CADM2: variants seen among roughly 807,000 people sequenced by gnomAD.
The protein encoded by CADM2 is immunoglobulin superfamily member 4D.
A neutral mutation model predicts 49.8 loss-of-function variants in CADM2; 12 were observed. The observed-to-expected ratio is 0.24, with a 90% CI of 0.15 to 0.39. The LOEUF is 0.39. CADM2 is among the 10% of genes least tolerant of loss of function. The pLI is 1.00. For synonymous variants in CADM2, 214 were observed against 175.4 expected (o/e 1.22, Z -1.74); for missense variants, 378 against 492.3 (o/e 0.77, Z 2.20).
At chr3:85,514,382 A>G (rs1364174565) in intron 1 of CADM2, among the ~76,000 whole-genome samples, 4 of 152,080 alleles carry the variant, frequency 2.6e-5, no homozygotes, top group African/African-American at 9.7e-5. Flanking sequence ...GAGTACTCAC[A>G]GGGATTTAGG....
chr3:85,899,871 C>T (rs759148538), intron 5 of CADM2, among the ~76,000 whole-genome samples: 1 of 152,150 alleles, frequency 6.6e-6, no homozygotes, highest in Non-Finnish European at 1.5e-5. Flanking sequence ...TTTCCTTACA[C>T]AGATGCACTG....
At chr3:85,012,726 A>T (rs892818890) in intron 1 of CADM2, among the ~76,000 whole-genome samples, 1 of 151,126 alleles carries the variant, frequency 6.6e-6, no homozygotes. Flanking sequence ...AAATAACAAT[A>T]TTATATATAA....
chr3:85,204,648 CA>C (rs2041588656), intron 1 of CADM2, among the ~76,000 whole-genome samples: 1 of 152,108 alleles, frequency 6.6e-6, no homozygotes, highest in Non-Finnish European at 1.5e-5. Flanking sequence ...AGTGCTAAAA[CA>C]AATTCATGGT....
At position 86,066,858 on chromosome 3, in the gene CADM2, A is replaced by G. The variant is rs1739396870; in HGVS notation, c.*75A>G. On this transcript the variant is annotated 3_prime_UTR_variant, in exon 10 of 10. Coordinates refer to ENST00000383699, the MANE Select transcript of CADM2 (RefSeq NM_001167675.2). ...AACTGGCTATCATCTTTCAGAAGTC[A>G]TTTCTACCATCGTCTGCTACCCTTA... 2.0e-6 allele frequency: 2 copies of G among 985,862 alleles called. No homozygotes were observed. The highest frequency in any genetic ancestry group is 1.3e-5 in the South Asian group (1 of 76,442). 61.1% of individuals were successfully genotyped at this position (985,862 alleles called of 1,614,324 possible). A position where few individuals can be genotyped will look rare whatever the true frequency, so the allele number is the denominator to read the frequency against.
At chr3:85,741,592 C>T (rs565502044) in intron 2 of CADM2, among the ~76,000 whole-genome samples, 42 of 152,210 alleles carry the variant, frequency 2.8e-4, no homozygotes, top group African/African-American at 7.5e-4. Flanking sequence ...CACTTGAACC[C>T]GGGAGGCAGA....
At chr3:85,415,398 A>G (rs1336789563) in intron 1 of CADM2, among the ~76,000 whole-genome samples, 1 of 137,368 alleles carries the variant, frequency 7.3e-6, no homozygotes, top group Non-Finnish European at 1.6e-5. Flanking sequence ...TGATGAAAGT[A>G]CGAATAGTGC....
chr3:85,494,310 T>A (rs112558951), intron 1 of CADM2, among the ~76,000 whole-genome samples: 13 of 152,204 alleles, frequency 8.5e-5, no homozygotes, highest in African/African-American at 3.1e-4. Context: ...CAAAATATAA[T>A]TATTTTAGAA....
intron 1 of CADM2, among the ~76,000 whole-genome samples, chr3:85,560,729 T>C (rs1449379): frequency 0.51 from 77,975 of 152,126 alleles, 23,068 homozygotes; most frequent in East Asian, 0.85. Context: ...ACCAAATTGC[T>C]GTGGTTTTGT....
chr3:85,114,248 T>G (rs950771237), intron 1 of CADM2, among the ~76,000 whole-genome samples: 1 of 151,890 alleles, frequency 6.6e-6, no homozygotes, highest in Non-Finnish European at 1.5e-5. Context: ...TGGATAGGCA[T>G]AGAGAAAACC....
chr3:86,036,118 G>C (rs1380202519), intron 8 of CADM2, among the ~76,000 whole-genome samples: 1 of 152,146 alleles, frequency 6.6e-6, no homozygotes, highest in African/African-American at 2.4e-5. Flanking sequence ...ATATGAATTT[G>C]GGGGAACACA....
chr3:85,320,717 G>T (rs1207712255), intron 1 of CADM2, among the ~76,000 whole-genome samples: 1 of 152,052 alleles, frequency 6.6e-6, no homozygotes, highest in Non-Finnish European at 1.5e-5. Context: ...CCTTAGTAAT[G>T]TAGCTTGGTC....
chr3:85,235,318 G>T (rs1356450169), intron 1 of CADM2, among the ~76,000 whole-genome samples: 2 of 151,932 alleles, frequency 1.3e-5, no homozygotes, highest in African/African-American at 2.4e-5. Context: ...GACTTCCTGG[G>T]ACCTCTATGC....
intron 8 of CADM2, 136 bp downstream of exon 8, chr3:85,961,783 A>AATTATGAGATATTTT: frequency 2.3e-6 from 1 of 442,052 alleles, no homozygotes; most frequent in Non-Finnish European, 3.9e-6. Context: ...TGAGATATTT[A>AATTATGAGATATTTT]ATTATGAGAT....
chr3:85,261,853 C>A (rs988477344), intron 1 of CADM2, among the ~76,000 whole-genome samples: 2 of 151,926 alleles, frequency 1.3e-5, no homozygotes, highest in African/African-American at 4.8e-5. Context: ...AATCTAATGC[C>A]CTTTAATGAG....
intron 8 of CADM2, among the ~76,000 whole-genome samples, chr3:85,996,254 G>T (rs1729397416): frequency 6.7e-6 from 1 of 150,010 alleles, no homozygotes; most frequent in South Asian, 2.1e-4. Context: ...AGCCTGAAAG[G>T]CCTTGCCAAG....
At chr3:84,977,659 A>G (rs1375942306) in intron 1 of CADM2, among the ~76,000 whole-genome samples, 1 of 152,052 alleles carries the variant, frequency 6.6e-6, no homozygotes, top group African/African-American at 2.4e-5. Flanking sequence ...GCAGTTTACA[A>G]ATTTTCAGAT....
chr3:85,093,436 G>C (rs573063297), intron 1 of CADM2, among the ~76,000 whole-genome samples: 1 of 150,968 alleles, frequency 6.6e-6, no homozygotes, highest in African/African-American at 2.4e-5. Flanking sequence ...AGAATCGTTT[G>C]AACACGGGAG....
At chr3:85,394,308 TTAAAA>T (rs1268090411) in intron 1 of CADM2, among the ~76,000 whole-genome samples, 17 of 152,278 alleles carry the variant, frequency 1.1e-4, no homozygotes, top group Middle Eastern at 3.4e-3. Flanking sequence ...AAATGCATAA[TTAAAA>T]TAAAATGAAC....
intron 1 of CADM2, among the ~76,000 whole-genome samples, chr3:85,033,967 G>A (rs1456277775): frequency 5.9e-5 from 9 of 151,950 alleles, no homozygotes; most frequent in South Asian, 4.1e-4. Context: ...TGGTCATCAC[G>A]TTTTTTAATT....
Sources: allele counts gnomAD v4.1 joint callset (sites outside exome capture counted in the v4.1 genomes callset), GRCh38; gene constraint gnomAD v4.1.1; transcripts MANE v1.5; gene names NCBI Gene and HGNC (gene_info 2026-07-23, HGNC 2026-07-21).